Variants in PPP1R14C observed in about 807,000 individuals in gnomAD.
PPP1R14C encodes protein phosphatase 1 regulatory subunit 14C.
In PPP1R14C, 16 loss-of-function variants were observed where a neutral mutation model predicts 20.4. The ratio of observed to expected loss-of-function variants is 0.78; its 90% CI spans 0.53 to 1.19. The LOEUF (loss-of-function observed/expected upper bound fraction) is 1.19, where lower values mean the gene tolerates loss of function less well. PPP1R14C is among the 50% of genes most tolerant of loss of function. The pLI, the probability that PPP1R14C is intolerant of heterozygous loss-of-function variation, is 0.00. For missense variants in PPP1R14C, 211 were observed against 220.1 expected (o/e 0.96, Z 0.26); for synonymous variants, 91 against 91.0 (o/e 1.00, Z 0.00).
chr6:150,188,681 T>C (rs1243389998), intron 1 of PPP1R14C, among the ~76,000 whole-genome samples: 1 of 150,394 alleles, frequency 6.6e-6, no homozygotes, highest in Non-Finnish European at 1.5e-5. Flanking sequence ...AGAGACAGGG[T>C]TTCACCATGT....
intron 3 of PPP1R14C, among the ~76,000 whole-genome samples, chr6:150,240,428 G>T (rs1340923892): frequency 6.6e-6 from 1 of 152,238 alleles, no homozygotes. Flanking sequence ...CTGGGAGTGG[G>T]CTGGAGCAAG....
intron 1 of PPP1R14C, among the ~76,000 whole-genome samples, chr6:150,205,057 A>G (rs932456904): frequency 1.4e-5 from 2 of 147,850 alleles, no homozygotes; most frequent in Admixed American, 1.4e-4. Flanking sequence ...AGAGATAGTC[A>G]TTTTTGCTAA....
chr6:150,246,963 T>C (rs1440222789), intron 3 of PPP1R14C, among the ~76,000 whole-genome samples: 1 of 152,224 alleles, frequency 6.6e-6, no homozygotes, highest in Non-Finnish European at 1.5e-5. Flanking sequence ...GAAGAAAATA[T>C]ATTAATAGCA....
intron 3 of PPP1R14C, among the ~76,000 whole-genome samples, chr6:150,235,860 G>C (rs1224520941): frequency 1.3e-5 from 2 of 152,214 alleles, no homozygotes; most frequent in Non-Finnish European, 2.9e-5. Context: ...GTCGTACTCA[G>C]GGGAGAATTT....
Position 150,185,816 on chromosome 6 carries a change from TC to T in PPP1R14C, c.307-28927del, listed in dbSNP as rs1582908529. Among the ~76,000 whole-genome samples the T allele has an allele frequency of 6.6e-6, 1 of 152,158 alleles. No individual in the cohort carries two copies. The highest frequency in any genetic ancestry group is 1.5e-5 in the Non-Finnish European group (1 of 68,032). On this transcript the variant is annotated intron_variant, in intron 1 of 3. Transcript: ENST00000361131. The surrounding 1 kb of genome is among the most constrained non-coding windows in gnomAD (Gnocchi z 4.1). Reference sequence around the variant, plus strand: ...ATTGGCTGATGTAGGGGTTCTACCCTCACCATCACTCAGGGACCTAGGCTGC... The same window carrying T: ...ATTGGCTGATGTAGGGGTTCTACCCTACCATCACTCAGGGACCTAGGCTGC...
intron 3 of PPP1R14C, among the ~76,000 whole-genome samples, chr6:150,238,790 A>C (rs886424560): frequency 2.0e-5 from 3 of 152,258 alleles, no homozygotes; most frequent in African/African-American, 4.8e-5. Context: ...TGGCATCAAG[A>C]AGCCTGGATT....
intron 1 of PPP1R14C, among the ~76,000 whole-genome samples, chr6:150,213,299 TATTCCTTGACTTC>T (rs1201407808): frequency 6.6e-6 from 1 of 152,136 alleles, no homozygotes; most frequent in Non-Finnish European, 1.5e-5. Flanking sequence ...TAGTGTATCA[TATTCCTTGACTTC>T]CTCAGTATAC....
At chr6:150,196,700 A>G (rs1777808955) in intron 1 of PPP1R14C, among the ~76,000 whole-genome samples, 2 of 152,220 alleles carry the variant, frequency 1.3e-5, no homozygotes, top group Admixed American at 1.3e-4. Context: ...AAATTAAAGC[A>G]TGGCCTCTCC....
intron 1 of PPP1R14C, among the ~76,000 whole-genome samples, chr6:150,181,449 A>G (rs1323967511): frequency 7.0e-6 from 1 of 142,156 alleles, no homozygotes; most frequent in East Asian, 2.0e-4. Context: ...GAGAAATTCT[A>G]ATGATCTGGT....
chr6:150,145,841 C>T (rs1487451626), intron 1 of PPP1R14C, among the ~76,000 whole-genome samples: 1 of 152,196 alleles, frequency 6.6e-6, no homozygotes, highest in African/African-American at 2.4e-5. Context: ...CTTGAGTTAT[C>T]TGCTGAGTTG....
At chr6:150,212,465 C>G (rs1347494330) in intron 1 of PPP1R14C, among the ~76,000 whole-genome samples, 1 of 151,742 alleles carries the variant, frequency 6.6e-6, no homozygotes, top group Non-Finnish European at 1.5e-5. Context: ...CACTGCTATG[C>G]AAGTCAAAGC....
Position 150,249,927 on chromosome 6 carries a change from T to C in PPP1R14C, c.*1107T>C, listed in dbSNP as rs996954082. On this transcript the variant is annotated 3_prime_UTR_variant, in exon 4 of 4. Transcript: ENST00000361131. ...GAAGTGTGGAGATTGCATTTCTGGC[T>C]TCTCTCAATGGCTTGTGTTGAGGAC... 1.8e-5 allele frequency: 3 copies of C among 166,788 alleles called. No homozygotes were observed. In the Admixed American group the frequency reaches 1.9e-4, roughly 11 times the overall value. 10.3% of individuals were successfully genotyped at this position (166,788 alleles called of 1,614,324 possible). A position where few individuals can be genotyped will look rare whatever the true frequency, so the allele number is the denominator to read the frequency against.
At chr6:150,216,934 C>CTACTTATTGTGGTTTGCTTT in intron 3 of PPP1R14C, 78 bp downstream of exon 3, 1 of 1,188,158 alleles carries the variant, frequency 8.4e-7, no homozygotes, top group Non-Finnish European at 1.2e-6. Context: ...TAAAGCAAAC[C>CTACTTATTGTGGTTTGCTTT]ACAATAAGTA....
intron 1 of PPP1R14C, among the ~76,000 whole-genome samples, chr6:150,162,597 AG>A (rs1777382531): frequency 6.6e-6 from 1 of 152,154 alleles, no homozygotes; most frequent in Non-Finnish European, 1.5e-5. Flanking sequence ...TGGCTCTTGA[AG>A]GACATCTTGG....
chr6:150,145,056 T>C (rs1027462869), intron 1 of PPP1R14C, among the ~76,000 whole-genome samples: 1 of 152,188 alleles, frequency 6.6e-6, no homozygotes, highest in East Asian at 1.9e-4. Flanking sequence ...AAAGCATTGT[T>C]GAAATTAACA....
chr6:150,185,894 C>G lies in PPP1R14C; in HGVS notation c.307-28850C>G, dbSNP rs918265916. Among the ~76,000 whole-genome samples the G allele has an allele frequency of 2.6e-5, 4 of 152,184 alleles. No individual in the cohort carries two copies. Among genetic ancestry groups the G allele is most frequent in the African/African-American group, 9.6e-5 (4 of 41,458 alleles). ...CATGACTAGCAAGGCAGGCAAGGGT[C>G]AGGCGTGGCACCTATCGGCTCCTAA... On this transcript the variant is annotated intron_variant, in intron 1 of 3. Coordinates refer to ENST00000361131, the MANE Select transcript of PPP1R14C (RefSeq NM_030949.3). The surrounding 1 kb of genome is among the most constrained non-coding windows in gnomAD (Gnocchi z 4.1).
chr6:150,161,291 A>T (rs1777365179), intron 1 of PPP1R14C, among the ~76,000 whole-genome samples: 1 of 151,458 alleles, frequency 6.6e-6, no homozygotes, highest in Admixed American at 6.6e-5. Context: ...AAAAAAGACG[A>T]AGAAAAAAGA....
Position 150,143,122 on chromosome 6 carries a change from G to A in PPP1R14C, c.-71G>A. 8.5e-7 allele frequency: 1 copy of A among 1,172,980 alleles called. No homozygotes were observed. The highest frequency in any genetic ancestry group is 1.0e-6 in the Non-Finnish European group (1 of 953,732). 72.7% of individuals were successfully genotyped at this position (1,172,980 alleles called of 1,614,324 possible). A position where few individuals can be genotyped will look rare whatever the true frequency, so the allele number is the denominator to read the frequency against. On this transcript the variant is annotated 5_prime_UTR_variant, in exon 1 of 4. The change creates a new upstream start codon in the 5' untranslated region. Coordinates refer to ENST00000361131, the MANE Select transcript of PPP1R14C (RefSeq NM_030949.3). This position sits in a 1 kb window ranked among gnomAD's most constrained non-coding sequence, Gnocchi z 5.6. ...TTCGCATGCGGCTGCCGGGCCGGAG[G>A]TGGTAGCGGCGCCGGGCGCGCTCCG...
In PPP1R14C at chr6:150,230,352, G is replaced by A. The variant is rs191509240; in HGVS notation, c.423+13496G>A. 4.6e-5 allele frequency among the ~76,000 whole-genome samples: 7 copies of A among 152,344 alleles called. No individual in the cohort carries two copies. The East Asian group carries it at 1.4e-3, about 29-fold the overall frequency. On this transcript the variant is annotated intron_variant, in intron 3 of 3. Coordinates refer to ENST00000361131, the MANE Select transcript of PPP1R14C (RefSeq NM_030949.3). ...ATGGAGTTGACTCAATTTGCTGTAA[G>A]TTGGCAGCCAGCCCCCAGGCCCAGG...
Sources: gnomAD v4.1 joint callset for allele counts (sites outside exome capture counted in the v4.1 genomes callset) on GRCh38, gnomAD v4.1.1 for gene constraint, Gnocchi (gnomAD v3.1) non-coding constraint, MANE v1.5 for transcripts, NCBI Gene and HGNC (gene_info 2026-07-23, HGNC 2026-07-21) for gene names.